The following EYS variants were observed in gnomAD, a reference collection of about 807,000 sequenced individuals.
The protein encoded by EYS is EGF-like photoreceptor maintenance factor.
In EYS, 250 loss-of-function variants were observed where a neutral mutation model predicts 282.1. The ratio of observed to expected loss-of-function variants is 0.89; its 90% confidence interval spans 0.80 to 0.98. EYS has a LOEUF of 0.98. Among genes scored for constraint, EYS ranks in the 50% least tolerant of loss-of-function variants. The pLI is 0.00. For synonymous variants in EYS, 1,355 were observed against 1,282.9 expected (o/e 1.06, Z -1.20); for missense variants, 4,016 against 3,709.0 (o/e 1.08, Z -2.15).
intron 33 of EYS, among the ~76,000 whole-genome samples, chr6:64,017,237 G>A (rs571552835): frequency 9.2e-5 from 14 of 152,018 alleles, no homozygotes; most frequent in Non-Finnish European, 1.9e-4. Context: ...AGTGTTGGTG[G>A]CAGGTTCCTG....
At chr6:65,034,363 G>C (rs1772700836) in intron 13 of EYS, among the ~76,000 whole-genome samples, 1 of 152,088 alleles carries the variant, frequency 6.6e-6, no homozygotes, top group South Asian at 2.1e-4. Flanking sequence ...ATTTGCGAGG[G>C]GCCAGTGGTA....
At chr6:63,859,474 T>A (rs143235679) in intron 36 of EYS, among the ~76,000 whole-genome samples, 8 of 151,964 alleles carry the variant, frequency 5.3e-5, no homozygotes, top group Admixed American at 1.3e-4. Flanking sequence ...AGGCTTAAGT[T>A]GGGAAGATAA....
At chr6:64,082,511 A>G (rs1021850401) in intron 31 of EYS, among the ~76,000 whole-genome samples, 1 of 152,160 alleles carries the variant, frequency 6.6e-6, no homozygotes, top group Admixed American at 6.5e-5. Flanking sequence ...TTTGGGTTAC[A>G]AACATCAAGA....
intron 12 of EYS, among the ~76,000 whole-genome samples, chr6:65,060,763 T>A (rs1488448584): frequency 7.0e-6 from 1 of 141,944 alleles, no homozygotes; most frequent in African/African-American, 2.7e-5. Flanking sequence ...TATGTGTATA[T>A]ACATGTGTAT....
chr6:64,700,368 T>G (rs895859489), intron 22 of EYS, among the ~76,000 whole-genome samples: 13 of 152,034 alleles, frequency 8.6e-5, no homozygotes, highest in African/African-American at 2.9e-4. Flanking sequence ...ACCATAGAAC[T>G]AGAAGTCTTA....
intron 31 of EYS, among the ~76,000 whole-genome samples, chr6:64,127,133 A>G (rs1311403024): frequency 6.6e-6 from 1 of 152,220 alleles, no homozygotes; most frequent in Non-Finnish European, 1.5e-5. Flanking sequence ...ACTTTGGTAA[A>G]CTACATTACT....
intron 11 of EYS, among the ~76,000 whole-genome samples, chr6:65,318,546 A>G: frequency 6.8e-6 from 1 of 146,682 alleles, no homozygotes; most frequent in African/African-American, 2.5e-5. Flanking sequence ...TTATATATAT[A>G]TTATATATAT....
intron 26 of EYS, among the ~76,000 whole-genome samples, chr6:64,487,521 T>G (rs533252610): frequency 6.6e-6 from 1 of 151,120 alleles, no homozygotes; most frequent in East Asian, 1.9e-4. Flanking sequence ...AAATATTGCT[T>G]ATGTCCTAAC....
At chr6:64,581,779 C>G (rs1273306394) in intron 26 of EYS, among the ~76,000 whole-genome samples, 1 of 152,046 alleles carries the variant, frequency 6.6e-6, no homozygotes, top group Non-Finnish European at 1.5e-5. Context: ...GTCACACACC[C>G]CTGAAGCCCA....
intron 31 of EYS, among the ~76,000 whole-genome samples, chr6:64,223,731 A>G (rs1582449476): frequency 1.3e-5 from 2 of 152,092 alleles, no homozygotes; most frequent in Non-Finnish European, 2.9e-5. Context: ...AATTATCTTT[A>G]TGTGTGGGTA....
chr6:65,528,439 A>T (rs1682791690), intron 2 of EYS, among the ~76,000 whole-genome samples: 1 of 152,194 alleles, frequency 6.6e-6, no homozygotes, highest in Middle Eastern at 3.2e-3. Flanking sequence ...TTGAAATTTA[A>T]TTGCTGTTGT....
chr6:64,866,568 G>C (rs187362065), intron 19 of EYS, among the ~76,000 whole-genome samples: 164 of 151,752 alleles, frequency 1.1e-3, no homozygotes, highest in Middle Eastern at 0.01. Flanking sequence ...TGCTCAAAAG[G>C]CCTCTAGTTA....
At chr6:65,186,581 T>C (rs1765521917) in intron 12 of EYS, among the ~76,000 whole-genome samples, 1 of 151,768 alleles carries the variant, frequency 6.6e-6, no homozygotes. Flanking sequence ...GATGAAATGA[T>C]GGAGATAAAA....
intron 30 of EYS, among the ~76,000 whole-genome samples, chr6:64,272,485 C>T (rs1310347780): frequency 6.6e-6 from 1 of 152,156 alleles, no homozygotes; most frequent in East Asian, 1.9e-4. Context: ...CAAAATCTCT[C>T]AGCATTTGCT....
At chr6:65,407,466 G>C (rs766168258) in intron 5 of EYS, among the ~76,000 whole-genome samples, 2 of 152,016 alleles carry the variant, frequency 1.3e-5, no homozygotes, top group African/African-American at 2.4e-5. Context: ...ATGTTGGCCA[G>C]GCTGGTCTCG....
At chr6:64,138,638 A>G (rs1158851464) in intron 31 of EYS, among the ~76,000 whole-genome samples, 1 of 152,180 alleles carries the variant, frequency 6.6e-6, no homozygotes, top group Admixed American at 6.5e-5. Flanking sequence ...ATTTAGAACC[A>G]CTGTCCCAAG....
chr6:64,350,595 G>A (rs1004606129), intron 29 of EYS, among the ~76,000 whole-genome samples: 8 of 151,538 alleles, frequency 5.3e-5, no homozygotes, highest in Admixed American at 3.3e-4. Context: ...CAAGTCTCTC[G>A]TTATCTGTTT....
At chr6:64,796,719 C>A (rs778573399) in intron 22 of EYS, among the ~76,000 whole-genome samples, 1 of 152,052 alleles carries the variant, frequency 6.6e-6, no homozygotes, top group Non-Finnish European at 1.5e-5. Context: ...ACTGACTTTC[C>A]TCAAATTAAT....
intron 29 of EYS, among the ~76,000 whole-genome samples, chr6:64,326,911 A>G (rs1280033989): frequency 6.6e-6 from 1 of 152,156 alleles, no homozygotes; most frequent in African/African-American, 2.4e-5. Flanking sequence ...ATCACATCCC[A>G]GGGCATGATG....
Sources: allele counts gnomAD v4.1 joint callset (sites outside exome capture counted in the v4.1 genomes callset), GRCh38; gene constraint gnomAD v4.1.1; transcripts MANE v1.5; gene names NCBI Gene and HGNC (gene_info 2026-07-23, HGNC 2026-07-21).